The following BLTP3B variants were observed in gnomAD, a reference collection of about 807,000 sequenced individuals.
The protein encoded by BLTP3B is bridge-like lipid transfer protein family member 3B, also known as UHRF1 (ICBP90) binding protein 1-like.
At chr12:100,138,968 C>T in the BLTP3B span, among the ~76,000 whole-genome samples, 1 of 152,180 alleles carries the variant, frequency 6.6e-6, no homozygotes, top group Non-Finnish European at 1.5e-5. Context: ...AGTTTCCATT[C>T]CCATGTGAAA....
At chr12:100,119,553 A>C in the BLTP3B span, among the ~76,000 whole-genome samples, 1 of 152,210 alleles carries the variant, frequency 6.6e-6, no homozygotes, top group Non-Finnish European at 1.5e-5. Context: ...CTTATCTAAA[A>C]GCTACAGTAA....
the BLTP3B span, among the ~76,000 whole-genome samples, chr12:100,131,164 C>G: frequency 6.6e-6 from 1 of 151,606 alleles, no homozygotes; most frequent in Non-Finnish European, 1.5e-5. Context: ...TACAATAATT[C>G]ACCAGGCAAG....
the BLTP3B span, among the ~76,000 whole-genome samples, chr12:100,044,649 G>C: frequency 2.6e-5 from 4 of 152,116 alleles, no homozygotes; most frequent in African/African-American, 9.7e-5. Context: ...AGTGCCAAAA[G>C]AAGTGGAAGA....
At chr12:100,070,445 C>T in the BLTP3B span, among the ~76,000 whole-genome samples, 5 of 151,938 alleles carry the variant, frequency 3.3e-5, no homozygotes, top group African/African-American at 9.6e-5. Flanking sequence ...TTTTAGTAGA[C>T]GGGGTTTTAC....
the BLTP3B span, among the ~76,000 whole-genome samples, chr12:100,038,819 A>C: frequency 6.6e-6 from 1 of 152,246 alleles, no homozygotes; most frequent in Non-Finnish European, 1.5e-5. Context: ...TCTGCGTCAC[A>C]TAGATACATT....
chr12:100,067,165 A>G, the BLTP3B span, among the ~76,000 whole-genome samples: 1 of 152,162 alleles, frequency 6.6e-6, no homozygotes, highest in Non-Finnish European at 1.5e-5. Context: ...AAAACCTATC[A>G]AAACCTTTGG....
At chr12:100,118,147 T>A in the BLTP3B span, among the ~76,000 whole-genome samples, 2 of 152,112 alleles carry the variant, frequency 1.3e-5, no homozygotes, top group African/African-American at 2.4e-5. Flanking sequence ...CAAACCCCAA[T>A]TGAAGGACAC....
the BLTP3B span, among the ~76,000 whole-genome samples, chr12:100,076,306 G>A: frequency 3.3e-5 from 5 of 150,166 alleles, no homozygotes; most frequent in African/African-American, 1.2e-4. Context: ...TCATTCAATA[G>A]ACGTGTATAT....
chr12:100,052,101 G>A, the BLTP3B span, among the ~76,000 whole-genome samples: 19 of 145,974 alleles, frequency 1.3e-4, no homozygotes, highest in Non-Finnish European at 1.9e-4. Context: ...GTCTCACTCT[G>A]TTGCCCAGGC....
the BLTP3B span, among the ~76,000 whole-genome samples, chr12:100,099,755 TTAAC>T: frequency 4.2e-4 from 62 of 148,926 alleles, no homozygotes; most frequent in African/African-American, 1.5e-3. Flanking sequence ...TCAAAATTAA[TTAAC>T]TAATTGATTA....
At chr12:100,050,137 A>G in the BLTP3B span, 1 of 1,445,602 alleles carries the variant, frequency 6.9e-7, no homozygotes, top group Non-Finnish European at 9.1e-7. Flanking sequence ...AAACCATTGT[A>G]TATGAAAAAT....
the BLTP3B span, chr12:100,058,187 T>A: frequency 1.2e-6 from 2 of 1,613,266 alleles, no homozygotes; most frequent in Non-Finnish European, 1.7e-6. Flanking sequence ...TACTTGAAAG[T>A]ATGTTTTGAT....
At chr12:100,133,305 T>A in the BLTP3B span, among the ~76,000 whole-genome samples, 1 of 152,120 alleles carries the variant, frequency 6.6e-6, no homozygotes, top group East Asian at 1.9e-4. Flanking sequence ...CCCAGCCCCA[T>A]AATCTTTTAT....
the BLTP3B span, among the ~76,000 whole-genome samples, chr12:100,055,721 T>G: frequency 6.7e-6 from 1 of 149,816 alleles, no homozygotes; most frequent in Non-Finnish European, 1.5e-5. Flanking sequence ...ACAATCCCAG[T>G]TCTGCGTACA....
chr12:100,070,278 TTTAA>T, the BLTP3B span: 12 of 1,301,478 alleles, frequency 9.2e-6, no homozygotes, highest in Middle Eastern at 2.6e-4. Context: ...GTTTTTTATT[TTTAA>T]TTAATTAATT....
At chr12:100,131,212 G>A in the BLTP3B span, among the ~76,000 whole-genome samples, 1 of 151,710 alleles carries the variant, frequency 6.6e-6, no homozygotes, top group Non-Finnish European at 1.5e-5. Context: ...TCAGGAGGCT[G>A]AAGTGGGAGG....
the BLTP3B span, among the ~76,000 whole-genome samples, chr12:100,128,282 A>T: frequency 2.0e-5 from 3 of 152,174 alleles, no homozygotes; most frequent in Non-Finnish European, 4.4e-5. Flanking sequence ...GCTGGCAGGA[A>T]GTTACAAAAC....
chr12:100,124,723 G>C, the BLTP3B span, among the ~76,000 whole-genome samples: 1 of 150,316 alleles, frequency 6.7e-6, no homozygotes, highest in Admixed American at 6.7e-5. Context: ...TCTAGCCTGA[G>C]AAACAGAGTG....
chr12:100,089,224 T>C, the BLTP3B span: 3 of 769,970 alleles, frequency 3.9e-6, no homozygotes, highest in South Asian at 3.3e-5. Context: ...ATCAATAATA[T>C]ATTTTCCCTA....
Sources: allele counts gnomAD v4.1 joint callset (sites outside exome capture counted in the v4.1 genomes callset), GRCh38; gene constraint gnomAD v4.1.1; transcripts MANE v1.5; gene names NCBI Gene and HGNC (gene_info 2026-07-23, HGNC 2026-07-21).